STIMATE: variants seen among roughly 807,000 people sequenced by gnomAD.
STIMATE encodes the protein store-operated calcium entry regulator STIMATE.
Under a neutral mutation model 36.7 loss-of-function variants are expected in STIMATE, and 15 were observed. The observed-to-expected ratio is 0.41, with a 90% CI of 0.27 to 0.63. The LOEUF is 0.63. Ranked by LOEUF, STIMATE falls within the 20% of genes least tolerant of loss-of-function variation. STIMATE has a pLI of 0.32. For synonymous variants in STIMATE, 163 were observed against 162.3 expected (o/e 1.00, Z -0.03); for missense variants, 305 against 397.3 (o/e 0.77, Z 1.98).
chr3:52,866,795 G>C (rs1010119781), intron 1 of STIMATE, among the ~76,000 whole-genome samples: 2 of 152,218 alleles, frequency 1.3e-5, no homozygotes, highest in African/African-American at 4.8e-5. Context: ...CAGAGTGGTA[G>C]AGTAACAAGT....
intron 1 of STIMATE, among the ~76,000 whole-genome samples, chr3:52,891,052 C>T (rs900862291): frequency 1.3e-5 from 2 of 149,642 alleles, no homozygotes; most frequent in Non-Finnish European, 3.0e-5. Context: ...TTAATGTTAT[C>T]AACAGTCAAA....
In STIMATE at chr3:52,837,479, G is replaced by C. The variant is rs1404080550; in HGVS notation, c.*3015C>G. On this transcript the variant is annotated 3_prime_UTR_variant, in exon 8 of 8. Coordinates refer to ENST00000355083, the MANE Select transcript of STIMATE (RefSeq NM_198563.5). ...CTGAGGGGCCACAGACCCTCCTCTT[G>C]CATGTGTGCAAGCTGAGTGGACCAA... 2 of 152,424 alleles carry C rather than the reference G, an allele frequency of 1.3e-5. No homozygotes were observed. The highest frequency in any genetic ancestry group is 4.8e-5 in the African/African-American group (2 of 41,564). The allele number at this position is 152,424 out of a possible 1,614,324, so 9.4% of individuals were successfully genotyped here. A position where few individuals can be genotyped will look rare whatever the true frequency, so the allele number is the denominator to read the frequency against.
intron 1 of STIMATE, among the ~76,000 whole-genome samples, chr3:52,894,561 C>T (rs1195937126): frequency 6.6e-6 from 1 of 152,036 alleles, no homozygotes; most frequent in Admixed American, 6.6e-5. Flanking sequence ...AACAAAGAAA[C>T]AAACAAACAA....
chr3:52,863,966 C>T (rs1220077989), intron 1 of STIMATE, among the ~76,000 whole-genome samples: 1 of 152,260 alleles, frequency 6.6e-6, no homozygotes, highest in African/African-American at 2.4e-5. Flanking sequence ...TACAGCCTCC[C>T]TCCCGGCTGC....
chr3:52,886,293 A>G (rs1448400780), intron 1 of STIMATE, among the ~76,000 whole-genome samples: 2 of 152,196 alleles, frequency 1.3e-5, no homozygotes, highest in Admixed American at 6.5e-5. Flanking sequence ...TATGCTGCAC[A>G]TGGCAGCAGG....
intron 1 of STIMATE, among the ~76,000 whole-genome samples, chr3:52,882,620 T>C (rs1387181626): frequency 4.6e-5 from 7 of 152,182 alleles, no homozygotes; most frequent in Non-Finnish European, 7.4e-5. Context: ...AACAAGGCAC[T>C]AGAAGTAGTC....
rs71087029 is a variant in STIMATE at position 52,887,994 on chromosome 3, G to GTTTTT, written c.160+9292_160+9296dup. ...GCTCTAACTTCATATAACAGAATCA[G>GTTTTT]TTTTTTTTTTTTTTTTTTTTTTTTT... is the stretch of plus-strand genomic sequence containing the variant. On this transcript the variant is annotated intron_variant, in intron 1 of 7. Transcript: ENST00000355083. 5.5e-4 allele frequency among the ~76,000 whole-genome samples: 29 copies of GTTTTT among 52,716 alleles called. 8 individuals carry two copies. Among genetic ancestry groups the GTTTTT allele is most frequent in the East Asian group, 1.6e-3 (2 of 1,288 alleles). The allele number at this position is 52,716 out of a possible 152,430, so 34.6% of individuals were successfully genotyped here.
chr3:52,840,679 C>T, intron 7 of STIMATE, 69 bp from the exon 8 acceptor site: 1 of 1,433,308 alleles, frequency 7.0e-7, no homozygotes, highest in Non-Finnish European at 9.4e-7. Flanking sequence ...CTCCCTGGAC[C>T]CTGGGCCCTT....
chr3:52,888,060 C>T (rs1159657306), intron 1 of STIMATE, among the ~76,000 whole-genome samples: 34 of 112,524 alleles, frequency 3.0e-4, no homozygotes, highest in Non-Finnish European at 2.3e-4. Context: ...AATCTGAAGG[C>T]AGAATAAAGC....
Position 52,844,828 on chromosome 3 carries a change from C to A in STIMATE, c.540+1G>T, listed in dbSNP as rs1158768864. 1 of 1,613,916 alleles carries A rather than the reference C, an allele frequency of 6.2e-7. No homozygotes were observed. The highest frequency in any genetic ancestry group is 2.2e-5 in the East Asian group (1 of 44,884). On this transcript the variant is annotated splice_donor_variant, in intron 5 of 7. Coordinates refer to ENST00000355083, the MANE Select transcript of STIMATE (RefSeq NM_198563.5). LOFTEE classifies it high-confidence loss of function. ...GCTGCTCATGCAGGGACGAAGCAAA[C>A]CTTTTTCCACTGAAGTATTAGGAGG...
Position 52,850,362 on chromosome 3 carries a change from G to A in STIMATE, c.306-449C>T, listed in dbSNP as rs1271662219. ...CAGGGGAATCACTTGAACCCGGGAGGTGGAGGTTGCAGTGAGCTGAGATTG... is the reference window on the plus strand; with the variant it reads ...CAGGGGAATCACTTGAACCCGGGAGATGGAGGTTGCAGTGAGCTGAGATTG... On this transcript the variant is annotated intron_variant, in intron 3 of 7. Coordinates refer to ENST00000355083, the MANE Select transcript of STIMATE (RefSeq NM_198563.5). Among the ~76,000 whole-genome samples, 4 of 152,260 alleles carry A rather than the reference G, an allele frequency of 2.6e-5. No individual in the cohort carries two copies. The East Asian group carries it at 5.8e-4, about 22-fold the overall frequency.
chr3:52,856,544 T>G (rs1359847151), intron 1 of STIMATE, among the ~76,000 whole-genome samples: 1 of 152,010 alleles, frequency 6.6e-6, no homozygotes, highest in Non-Finnish European at 1.5e-5. Context: ...AGTAGCTGTG[T>G]GTGGTGGCGC....
intron 1 of STIMATE, among the ~76,000 whole-genome samples, chr3:52,877,675 C>A (rs919779022): frequency 2.6e-5 from 4 of 152,236 alleles, no homozygotes; most frequent in African/African-American, 9.6e-5. Context: ...TGTCCTACCT[C>A]CCCAGGGTTG....
intron 1 of STIMATE, among the ~76,000 whole-genome samples, chr3:52,868,400 A>G (rs79629229): frequency 0.015 from 2,230 of 152,310 alleles, 58 homozygotes; most frequent in African/African-American, 0.051. Flanking sequence ...GGTCCAGGTG[A>G]TTCTTATGGC....
intron 1 of STIMATE, among the ~76,000 whole-genome samples, chr3:52,884,723 A>G (rs1701664597): frequency 6.6e-6 from 1 of 152,230 alleles, no homozygotes. Context: ...AGATTCAATC[A>G]TGTTGTTGCA....
intron 4 of STIMATE, chr3:52,847,983 A>G (rs1700936748): frequency 6.0e-6 from 1 of 165,666 alleles, no homozygotes; most frequent in Non-Finnish European, 1.3e-5. Context: ...GGGCGAGAAA[A>G]CAATCTTCCC....
chr3:52,840,687 C>A, intron 7 of STIMATE, 77 bp from the exon 8 acceptor site: 6 of 1,321,722 alleles, frequency 4.5e-6, no homozygotes, highest in South Asian at 2.9e-5. Flanking sequence ...ACCCTGGGCC[C>A]TTCAAGTCTC....
chr3:52,879,624 T>C (rs1701568441), intron 1 of STIMATE, among the ~76,000 whole-genome samples: 1 of 152,198 alleles, frequency 6.6e-6, no homozygotes, highest in Non-Finnish European at 1.5e-5. Flanking sequence ...TCAGTCAGAA[T>C]AGGATTCCTC....
At chr3:52,840,996 A>G (rs1050244091) in intron 7 of STIMATE, among the ~76,000 whole-genome samples, 3 of 152,132 alleles carry the variant, frequency 2.0e-5, no homozygotes, top group Admixed American at 6.5e-5. Context: ...GTGAGCCACC[A>G]TGCCTTGCCA....
Sources: gnomAD v4.1 joint callset for allele counts (sites outside exome capture counted in the v4.1 genomes callset) on GRCh38, gnomAD v4.1.1 for gene constraint, MANE v1.5 for transcripts, NCBI Gene and HGNC (gene_info 2026-07-23, HGNC 2026-07-21) for gene names.